ZNF76: variants seen among roughly 807,000 people sequenced by gnomAD.
ZNF76 encodes zinc finger protein 76.
In ZNF76, 66 loss-of-function variants were observed where a neutral mutation model predicts 66.9. The observed-to-expected ratio is 0.99, with a 90% CI of 0.81 to 1.21. The LOEUF is 1.21. ZNF76 is among the 50% of genes most tolerant of loss of function. The probability of loss-of-function intolerance (pLI) is 0.00; values close to 1 mark genes in which losing one functional copy is unlikely to be tolerated. For synonymous variants in ZNF76, 275 were observed against 296.1 expected, an observed-to-expected ratio of 0.93 and a Z score of 0.73; for missense variants, 729 against 760.3, an observed-to-expected ratio of 0.96 and a Z score of 0.48.
At chr6:35,281,503 AAC>A (rs1156721796) in intron 2 of ZNF76, among the ~76,000 whole-genome samples, 1 of 152,254 alleles carries the variant, frequency 6.6e-6, no homozygotes, top group Admixed American at 6.5e-5. Flanking sequence ...TTCTGGAATG[AAC>A]ACAGTGTTAG....
chr6:35,264,332 C>T (rs539473891), intron 1 of ZNF76, among the ~76,000 whole-genome samples: 1 of 152,224 alleles, frequency 6.6e-6, no homozygotes, highest in African/African-American at 2.4e-5. Context: ...TCTTTTTCTA[C>T]TGTATTTCTG....
At chr6:35,268,298 T>G (rs1387390409) in intron 1 of ZNF76, among the ~76,000 whole-genome samples, 1 of 152,228 alleles carries the variant, frequency 6.6e-6, no homozygotes, top group Admixed American at 6.5e-5. Flanking sequence ...TCCCTGTGGC[T>G]GTGTTTATTC....
In ZNF76 at chr6:35,295,282, G is replaced by A. The variant is rs1428193000; in HGVS notation, c.*34G>A. 2 of 1,547,444 alleles carry A rather than the reference G, an allele frequency of 1.3e-6. No individual in the cohort carries two copies. The highest frequency in any genetic ancestry group is 1.8e-6 in the Non-Finnish European group (2 of 1,140,058). Reference sequence around the variant, plus strand: ...GGGCTGGGTCCCACACCATGCTGGAGGAAGTGCCATCTGCATGGCCACTCT... The same window carrying A: ...GGGCTGGGTCCCACACCATGCTGGAAGAAGTGCCATCTGCATGGCCACTCT... On this transcript the variant is annotated 3_prime_UTR_variant, in exon 14 of 14. Coordinates refer to ENST00000373953, the MANE Select transcript of ZNF76 (RefSeq NM_003427.5).
rs777732653 is a variant in ZNF76, at chr6:35,292,772, CA to C, written c.1151del (p.Gln384ArgfsTer21). On this transcript the variant is annotated frameshift_variant, in exon 10 of 14. Transcript: ENST00000373953. LOFTEE classifies it high-confidence loss of function. This position sits in a 1 kb window ranked among gnomAD's most constrained non-coding sequence, Gnocchi z 4.7. ...TEESEQALYE[Q>X]QQLEAASAAE... ...GGAGAGCGAGCAGGCCCTCTATGAGCAGCAGCAACTTGAGGGTAAGGGGAGT... is the reference window on the plus strand; with the variant it reads ...GGAGAGCGAGCAGGCCCTCTATGAGCGCAGCAACTTGAGGGTAAGGGGAGT... 4.3e-6 allele frequency: 7 copies of C among 1,613,874 alleles called. No individual in the cohort carries two copies.
rs1788705914 is a variant in ZNF76 at position 35,281,043 on chromosome 6, T to C, written c.-96-13T>C. The C allele has an allele frequency of 1.8e-6, 2 of 1,099,540 alleles. No homozygotes were observed. Among genetic ancestry groups the C allele is most frequent in the South Asian group, 2.5e-5 (2 of 80,294 alleles). The allele number at this position is 1,099,540 out of a possible 1,614,324, so 68.1% of individuals were successfully genotyped here. The stretch of plus-strand genomic sequence containing the variant: ...CTGGTTAACTCATAATGTGATACTG[T>C]TTATTTTCTTAGATTTGTGACCCAG... On this transcript the variant is annotated splice_polypyrimidine_tract_variant and intron_variant, in intron 1 of 13. Transcript: ENST00000373953.
Position 35,294,755 on chromosome 6 carries a change from T to C in ZNF76, c.1608+186T>C, listed in dbSNP as rs1790940568. The C allele has an allele frequency of 9.3e-6, 6 of 648,542 alleles. No homozygotes were observed. In the South Asian group the frequency reaches 1.0e-4, roughly 11 times the overall value. The allele number at this position is 648,542 out of a possible 1,614,324, so 40.2% of individuals were successfully genotyped here. ...AGGCTCGCTCTTGGCTGAGGCAGAA[T>C]GTTGAAGCCTCTTCTGGCCTTCAGG... On this transcript the variant is annotated intron_variant, in intron 13 of 13. Transcript: ENST00000373953.
intron 1 of ZNF76, among the ~76,000 whole-genome samples, chr6:35,268,130 T>A (rs961815056): frequency 3.9e-5 from 6 of 152,204 alleles, no homozygotes; most frequent in African/African-American, 1.4e-4. Context: ...GGCACATTCT[T>A]TGTTAGGTGC....
chr6:35,269,280 CAAAAAAAAAAAAAA>C (rs10615994), intron 1 of ZNF76, among the ~76,000 whole-genome samples: 1 of 82,244 alleles, frequency 1.2e-5, no homozygotes, highest in African/African-American at 4.3e-5. Flanking sequence ...GACTCTGTCT[CAAAAAAAAAAAAAA>C]AAAAAAAAAT....
At chr6:35,289,611 TG>T (rs1790083961) in intron 5 of ZNF76, among the ~76,000 whole-genome samples, 1 of 152,154 alleles carries the variant, frequency 6.6e-6, no homozygotes, top group Admixed American at 6.5e-5. Flanking sequence ...TGGTGTGAGA[TG>T]GGTGGCTTTA....
intron 5 of ZNF76, among the ~76,000 whole-genome samples, chr6:35,288,882 C>T (rs1001756642): frequency 1.4e-5 from 2 of 142,750 alleles, no homozygotes; most frequent in Admixed American, 7.5e-5. Flanking sequence ...GATCAGGAGG[C>T]GGTGACTGCA....
chr6:35,276,963 A>AT (rs11439435), intron 1 of ZNF76, among the ~76,000 whole-genome samples: 86,366 of 141,196 alleles, frequency 0.61, 28,095 homozygotes, highest in South Asian at 0.79. Flanking sequence ...TAATTTTTGT[A>AT]TTTTTTTTTT....
At chr6:35,290,524 G>T in intron 6 of ZNF76, 117 bp from the exon 7 acceptor site, 1 of 1,520,952 alleles carries the variant, frequency 6.6e-7, no homozygotes, top group South Asian at 1.2e-5. Flanking sequence ...TGCCAGCACA[G>T]AGCGCTTGAC....
intron 1 of ZNF76, among the ~76,000 whole-genome samples, chr6:35,273,091 G>T (rs1787353110): frequency 6.6e-6 from 1 of 151,944 alleles, no homozygotes; most frequent in African/African-American, 2.4e-5. Flanking sequence ...AGGAAGTGGA[G>T]GTTGCAATGA....
chr6:35,290,505 A>G (rs1196263559), intron 6 of ZNF76, 123 bp downstream of exon 6: 74 of 1,523,966 alleles, frequency 4.9e-5, no homozygotes, highest in Non-Finnish European at 6.6e-5. Flanking sequence ...AAATGAGGGT[A>G]CACAGGAATG....
rs913284859 is a variant in ZNF76 at position 35,295,562 on chromosome 6, T to A, written c.*314T>A. Reference sequence around the variant, plus strand: ...AAGAACACCCTTCTGGCCCTCAGTCTGTTCCCCTTCTCAGGTAGAGATTGG... The same window carrying A: ...AAGAACACCCTTCTGGCCCTCAGTCAGTTCCCCTTCTCAGGTAGAGATTGG... On this transcript the variant is annotated 3_prime_UTR_variant, in exon 14 of 14. Coordinates refer to ENST00000373953, the MANE Select transcript of ZNF76 (RefSeq NM_003427.5). 4 of 385,282 alleles carry A rather than the reference T, an allele frequency of 1.0e-5. No individual in the cohort carries two copies. Among genetic ancestry groups the A allele is most frequent in the Non-Finnish European group, 2.0e-5 (4 of 199,070 alleles). 23.9% of individuals were successfully genotyped at this position (385,282 alleles called of 1,614,324 possible). A position where few individuals can be genotyped will look rare whatever the true frequency, so the allele number is the denominator to read the frequency against.
At chr6:35,276,202 A>G (rs891530999) in intron 1 of ZNF76, among the ~76,000 whole-genome samples, 1 of 152,226 alleles carries the variant, frequency 6.6e-6, no homozygotes, top group African/African-American at 2.4e-5. Context: ...TGTGATAAAA[A>G]TAAATATTAG....
chr6:35,282,383 T>C (rs1217218756), intron 2 of ZNF76, among the ~76,000 whole-genome samples: 1 of 152,002 alleles, frequency 6.6e-6, no homozygotes, highest in Non-Finnish European at 1.5e-5. Flanking sequence ...AAAAAAAGTA[T>C]TGTTTATCTG....
At position 35,287,573 on chromosome 6, in the gene ZNF76, A is replaced by T. The variant is rs1789746838; in HGVS notation, c.233-73A>T. ...CTCCTTGGTATATGTATCTCTCATTAACTTAAAGCTAGGGTCCCAGCTGTA... is the reference window on the plus strand; with the variant it reads ...CTCCTTGGTATATGTATCTCTCATTTACTTAAAGCTAGGGTCCCAGCTGTA... On this transcript the variant is annotated intron_variant, in intron 4 of 13. Coordinates refer to ENST00000373953, the MANE Select transcript of ZNF76 (RefSeq NM_003427.5). The surrounding 1 kb of genome is among the most constrained non-coding windows in gnomAD (Gnocchi z 4.0). 5.0e-6 allele frequency: 7 copies of T among 1,407,778 alleles called. No homozygotes were observed. The South Asian group carries it at 9.5e-5, about 19-fold the overall frequency. 87.2% of individuals were successfully genotyped at this position (1,407,778 alleles called of 1,614,324 possible). A position where few individuals can be genotyped will look rare whatever the true frequency, so the allele number is the denominator to read the frequency against.
rs546854618 is a variant in ZNF76 at position 35,283,014 on chromosome 6, A to T, written c.73+1790A>T. ...GCCCCTCCAGTGCAGTCTCCATGGG[A>T]TGGAAGAACTTAGAACTCTAGCTAG... is the stretch of plus-strand genomic sequence containing the variant. On this transcript the variant is annotated intron_variant, in intron 2 of 13. Coordinates refer to ENST00000373953, the MANE Select transcript of ZNF76 (RefSeq NM_003427.5). Among the ~76,000 whole-genome samples the T allele has an allele frequency of 1.6e-4, 24 of 152,246 alleles. No homozygotes were observed. The South Asian group carries it at 4.6e-3, about 29-fold the overall frequency.
Sources: gnomAD v4.1 joint callset for allele counts (sites outside exome capture counted in the v4.1 genomes callset) on GRCh38, gnomAD v4.1.1 for gene constraint, Gnocchi (gnomAD v3.1) non-coding constraint, MANE v1.5 for transcripts, NCBI Gene and HGNC (gene_info 2026-07-23, HGNC 2026-07-21) for gene names.